The following ADAM9 variants were observed in gnomAD, a reference collection of about 807,000 sequenced individuals.
The protein encoded by ADAM9 is disintegrin and metalloproteinase domain-containing protein 9.
Under a neutral mutation model 108.1 loss-of-function variants are expected in ADAM9, and 54 were observed. The ratio of observed to expected loss-of-function variants is 0.50; its 90% CI spans 0.40 to 0.63. ADAM9 has a LOEUF of 0.63. Among genes scored for constraint, ADAM9 ranks in the 20% least tolerant of loss-of-function variants. The probability of loss-of-function intolerance (pLI) is 0.00; values close to 1 mark genes in which losing one functional copy is unlikely to be tolerated. For missense variants in ADAM9, 830 were observed against 997.7 expected (o/e 0.83, Z 2.26); for synonymous variants, 316 against 336.0 (o/e 0.94, Z 0.65).
intron 18 of ADAM9, among the ~76,000 whole-genome samples, chr8:39,088,022 A>G (rs956068516): frequency 9.9e-5 from 15 of 152,218 alleles, no homozygotes; most frequent in Non-Finnish European, 1.9e-4. Context: ...TAAGAAAATC[A>G]TAAGAGAAAA....
intron 12 of ADAM9, among the ~76,000 whole-genome samples, chr8:39,043,522 A>C (rs924298784): frequency 6.6e-6 from 1 of 152,102 alleles, no homozygotes; most frequent in African/African-American, 2.4e-5. Flanking sequence ...TTCCATGATG[A>C]TGAGTGACAT....
intron 20 of ADAM9, among the ~76,000 whole-genome samples, chr8:39,099,513 C>G (rs1477232063): frequency 6.6e-6 from 1 of 152,110 alleles, no homozygotes. Context: ...TAACCGCATG[C>G]TGTTCCCTCT....
intron 11 of ADAM9, among the ~76,000 whole-genome samples, chr8:39,033,398 C>T (rs1837163048): frequency 6.6e-6 from 1 of 151,680 alleles, no homozygotes; most frequent in African/African-American, 2.4e-5. Flanking sequence ...GTCAGTATAC[C>T]TTTTACTTTG....
Position 39,103,588 on chromosome 8 carries a change from ATC to A in ADAM9, c.2367-15_2367-14del. 6.2e-7 allele frequency: 1 copy of A among 1,609,720 alleles called. No homozygotes were observed. Among genetic ancestry groups the A allele is most frequent in the South Asian group, 1.1e-5 (1 of 90,988 alleles). On this transcript the variant is annotated splice_polypyrimidine_tract_variant and intron_variant, in intron 21 of 21. Transcript: ENST00000487273. ...ACCCAGTCTAAACACTCTATTAACT[ATC>A]TCTTTTCCCCTCGCAGGCCACCTCC...
At chr8:39,087,073 C>G (rs1839201586) in intron 18 of ADAM9, among the ~76,000 whole-genome samples, 1 of 152,212 alleles carries the variant, frequency 6.6e-6, no homozygotes, top group African/African-American at 2.4e-5. Context: ...CTCTGTAGCT[C>G]TCTTCCCTTT....
chr8:39,056,409 G>A (rs1032748633), intron 14 of ADAM9, among the ~76,000 whole-genome samples: 10 of 151,934 alleles, frequency 6.6e-5, no homozygotes, highest in East Asian at 1.9e-4. Flanking sequence ...GCAATGCGAC[G>A]TTTTGATTTT....
intron 1 of ADAM9, among the ~76,000 whole-genome samples, chr8:39,004,234 G>A (rs761767011): frequency 2.4e-5 from 3 of 127,578 alleles, no homozygotes; most frequent in Non-Finnish European, 3.4e-5. Context: ...TTTTTTTTTT[G>A]GCAGGGTCTC....
At chr8:39,086,853 C>A (rs370611625) in intron 18 of ADAM9, among the ~76,000 whole-genome samples, 16 of 152,340 alleles carry the variant, frequency 1.1e-4, no homozygotes, top group African/African-American at 3.8e-4. Context: ...TGCTTCATTA[C>A]TGAGGCAAAA....
At chr8:39,037,445 T>A (rs1346413854) in intron 11 of ADAM9, among the ~76,000 whole-genome samples, 1 of 129,332 alleles carries the variant, frequency 7.7e-6, no homozygotes, top group African/African-American at 3.0e-5. Flanking sequence ...TATTTAAGTG[T>A]GTGTGTGTGT....
chr8:39,042,139 T>C lies in ADAM9; in HGVS notation c.1302+22T>C, dbSNP rs750637377. The C allele has an allele frequency of 2.2e-5, 36 of 1,613,878 alleles. No homozygotes were observed. The Middle Eastern group carries it at 9.9e-4, about 44-fold the overall frequency. ...AAAGGTCAGTTTAATTTTTGACTTT[T>C]GCCTTGTAAAATTGCCATGATATTT... On this transcript the variant is annotated intron_variant, in intron 12 of 21. Coordinates refer to ENST00000487273, the MANE Select transcript of ADAM9 (RefSeq NM_003816.3).
intron 14 of ADAM9, among the ~76,000 whole-genome samples, chr8:39,064,182 A>G (rs954821448): frequency 6.6e-6 from 1 of 152,180 alleles, no homozygotes; most frequent in Non-Finnish European, 1.5e-5. Context: ...TAGTGTTGAT[A>G]TGTTTTTGGA....
In ADAM9 at chr8:39,090,097, G is replaced by T; in HGVS notation, c.2119G>T (p.Val707Phe). Residue 707 changes from valine to phenylalanine, a missense_variant, in exon 19 of 22, where the codon GTT (valine) becomes TTT (phenylalanine). By Grantham distance (50) the Val-to-Phe change is conservative. Around this residue, in one of 3 missense-constraint regions of ADAM9, gnomAD observed 238 missense variants for 235.7 expected, o/e 1.01. Transcript: ENST00000487273. ...ACTTCTGGTCTTCTTCTTCCTAATT[G>T]TTCCCCTTATTGTCTGTGCTATTTT... ...DGLLVFFFLI[V>F]PLIVCAIFIF... is the part of the protein sequence containing the mutation. The T allele has an allele frequency of 6.2e-7, 1 of 1,613,764 alleles. No homozygotes were observed. Among genetic ancestry groups the T allele is most frequent in the South Asian group, 1.1e-5 (1 of 91,060 alleles).
chr8:39,036,024 G>C (rs1226224902), intron 11 of ADAM9, among the ~76,000 whole-genome samples: 1 of 148,368 alleles, frequency 6.7e-6, no homozygotes, highest in Non-Finnish European at 1.5e-5. Flanking sequence ...CTATCATTTT[G>C]TTTGGCTTTT....
intron 11 of ADAM9, among the ~76,000 whole-genome samples, chr8:39,037,950 A>G (rs1031892865): frequency 1.3e-5 from 2 of 152,194 alleles, no homozygotes; most frequent in Admixed American, 6.5e-5. Context: ...CCCCATGTGA[A>G]TTAATGGTAA....
chr8:39,009,672 CT>C lies in ADAM9; in HGVS notation c.195+1692del, dbSNP rs1836280617. Among the ~76,000 whole-genome samples the C allele has an allele frequency of 3.9e-5, 6 of 152,238 alleles. No homozygotes were observed. In the East Asian group the frequency reaches 1.2e-3, roughly 29 times the overall value. On this transcript the variant is annotated intron_variant, in intron 2 of 21. Coordinates refer to ENST00000487273, the MANE Select transcript of ADAM9 (RefSeq NM_003816.3). ...GTCATAGATAATTGTCATTTTTATG[CT>C]TTGGTTAATATTTGGAGAAGTGATA...
intron 14 of ADAM9, among the ~76,000 whole-genome samples, chr8:39,060,582 C>T (rs1450066629): frequency 6.6e-6 from 1 of 152,210 alleles, no homozygotes; most frequent in Non-Finnish European, 1.5e-5. Context: ...ATGTCCCACA[C>T]CACTGGACAT....
In ADAM9 at chr8:39,080,942, G is replaced by GT. The variant is rs145031812; in HGVS notation, c.1882-1698dup. Among the ~76,000 whole-genome samples the GT allele has an allele frequency of 7.4e-3, 1,055 of 141,640 alleles. 16 individuals are homozygous for GT. The highest frequency in any genetic ancestry group is 0.027 in the African/African-American group (1,020 of 38,164). 92.9% of individuals were successfully genotyped at this position (141,640 alleles called of 152,430 possible). On this transcript the variant is annotated intron_variant, in intron 16 of 21. Coordinates refer to ENST00000487273, the MANE Select transcript of ADAM9 (RefSeq NM_003816.3). ...GAGAGGATGGTCTTACCTTCCCACT[G>GT]TGAGAGTTTTTTTTTTTTTTTTTTT...
chr8:39,044,497 A>G (rs1296261085), intron 12 of ADAM9, among the ~76,000 whole-genome samples: 2 of 152,100 alleles, frequency 1.3e-5, no homozygotes, highest in African/African-American at 4.8e-5. Flanking sequence ...TGTTTGTTAC[A>G]TGGGTATATT....
chr8:39,044,869 T>TACATATGTATGTATATATGTGTGTGCAC (rs1837566947), intron 12 of ADAM9, among the ~76,000 whole-genome samples: 1 of 146,432 alleles, frequency 6.8e-6, no homozygotes, highest in African/African-American at 2.7e-5. Context: ...TGTGTGTGTA[T>TACATATGTATGTATATATGTGTGTGCAC]ACATACATAT....
Sources: gnomAD v4.1 joint callset for allele counts (sites outside exome capture counted in the v4.1 genomes callset) on GRCh38, gnomAD v4.1.1 for gene constraint, gnomAD v4.1.1 regional missense constraint, MANE v1.5 for transcripts, NCBI Gene and HGNC (gene_info 2026-07-23, HGNC 2026-07-21) for gene names.